The following CAPN11 variants were observed in gnomAD, a reference collection of about 807,000 sequenced individuals.
CAPN11 encodes calpain-11.
Under a neutral mutation model 105.3 loss-of-function variants are expected in CAPN11, and 108 were observed. That is an observed-to-expected ratio of 1.03 (90% confidence interval 0.88 to 1.20). The LOEUF (loss-of-function observed/expected upper bound fraction) is 1.20, where lower values mean the gene tolerates loss of function less well. CAPN11 is among the 50% of genes most tolerant of loss of function. CAPN11 has a pLI of 0.00. For synonymous variants in CAPN11, 329 were observed against 344.5 expected (o/e 0.96, Z 0.50); for missense variants, 883 against 924.8 (o/e 0.95, Z 0.59).
At chr6:44,174,704 C>T (rs917660598) in intron 7 of CAPN11, among the ~76,000 whole-genome samples, 1 of 149,976 alleles carries the variant, frequency 6.7e-6, no homozygotes. Context: ...ACTGCAACAT[C>T]CACCTCCTGG....
chr6:44,168,577 T>C (rs895021349), intron 2 of CAPN11, among the ~76,000 whole-genome samples: 2 of 151,202 alleles, frequency 1.3e-5, no homozygotes, highest in African/African-American at 4.9e-5. Context: ...CAATATGGGG[T>C]TCTTTGTGAC....
intron 7 of CAPN11, among the ~76,000 whole-genome samples, chr6:44,175,664 C>A (rs1009076331): frequency 3.9e-5 from 6 of 152,006 alleles, no homozygotes; most frequent in African/African-American, 1.5e-4. Flanking sequence ...GTAATCCCAG[C>A]TACTTGGGAG....
At chr6:44,179,780 G>A (rs1269161736) in intron 13 of CAPN11, 150 bp downstream of exon 13, 31 of 957,628 alleles carry the variant, frequency 3.2e-5, no homozygotes, top group East Asian at 1.4e-4. Flanking sequence ...GGTAGGGGTC[G>A]GGAAAGGAAG....
chr6:44,158,895 T>C (rs1768177889), intron 1 of CAPN11, 31 bp downstream of exon 1: 7 of 1,545,822 alleles, frequency 4.5e-6, no homozygotes, highest in Non-Finnish European at 6.1e-6. Context: ...GCCCCACTCC[T>C]GTACCTCCTG....
rs899749107 is a variant in CAPN11 at position 44,179,522 on chromosome 6, A to G, written c.1417-97A>G. Reference sequence around the variant, plus strand: ...TTAATACCCCTCCAACAACACACACACACAGACACACACTATACACATCCC... The same window carrying G: ...TTAATACCCCTCCAACAACACACACGCACAGACACACACTATACACATCCC... On this transcript the variant is annotated intron_variant, in intron 12 of 22. Coordinates refer to ENST00000398776, the MANE Select transcript of CAPN11 (RefSeq NM_007058.4). The G allele has an allele frequency of 5.5e-5, 61 of 1,100,330 alleles. No individual in the cohort carries two copies. The African/African-American group carries it at 7.2e-4, about 13-fold the overall frequency. The allele number at this position is 1,100,330 out of a possible 1,614,324, so 68.2% of individuals were successfully genotyped here. A position where few individuals can be genotyped will look rare whatever the true frequency, so the allele number is the denominator to read the frequency against.
At chr6:44,166,991 T>C (rs1204305525) in intron 2 of CAPN11, among the ~76,000 whole-genome samples, 162 bp downstream of exon 2, 1 of 151,996 alleles carries the variant, frequency 6.6e-6, no homozygotes, top group African/African-American at 2.4e-5. Context: ...ATGTTGGCAG[T>C]TTGCAGTCCC....
chr6:44,162,551 C>G (rs766748487), intron 1 of CAPN11, among the ~76,000 whole-genome samples: 1 of 152,108 alleles, frequency 6.6e-6, no homozygotes, highest in African/African-American at 2.4e-5. Flanking sequence ...TCTGGCTCTA[C>G]CCACCCTCTT....
intron 6 of CAPN11, 53 bp from the exon 7 acceptor site, chr6:44,173,165 C>G: frequency 6.2e-7 from 1 of 1,605,892 alleles, no homozygotes; most frequent in Admixed American, 1.7e-5. Context: ...GGACATCCCT[C>G]CCTCCCCTCA....
At chr6:44,164,064 C>T (rs1032915691) in intron 1 of CAPN11, among the ~76,000 whole-genome samples, 41 of 152,100 alleles carry the variant, frequency 2.7e-4, no homozygotes, top group African/African-American at 7.2e-4. Context: ...TTGCTGGTCT[C>T]GTGAGGCTGA....
chr6:44,169,873 G>A (rs768066960), intron 3 of CAPN11, 33 bp from the exon 4 acceptor site: 4 of 1,530,874 alleles, frequency 2.6e-6, no homozygotes, highest in Admixed American at 3.5e-5. Context: ...GGGGTGTCCT[G>A]GGCCCCCTGA....
At chr6:44,182,370 G>A (rs1416281067) in intron 19 of CAPN11, among the ~76,000 whole-genome samples, 1 of 151,738 alleles carries the variant, frequency 6.6e-6, no homozygotes, top group Admixed American at 6.6e-5. Context: ...TTGGAGTGTG[G>A]CATATTACCC....
chr6:44,159,754 C>T (rs2128285910), intron 1 of CAPN11, among the ~76,000 whole-genome samples: 1 of 151,808 alleles, frequency 6.6e-6, no homozygotes, highest in African/African-American at 2.4e-5. Context: ...AGTTCCCTGA[C>T]ACAACATCTT....
At chr6:44,166,943 A>AGGGGG in intron 2 of CAPN11, 114 bp downstream of exon 2, 1 of 251,972 alleles carries the variant, frequency 4.0e-6, no homozygotes, top group Admixed American at 5.0e-5. Flanking sequence ...TTGTGTGGGG[A>AGGGGG]GGGCGGCGGG....
chr6:44,172,923 GTGTT>G lies in CAPN11; in HGVS notation c.529-14_529-11del, dbSNP rs1014312106. 1.2e-6 allele frequency: 2 copies of G among 1,612,224 alleles called. No homozygotes were observed. Among genetic ancestry groups the G allele is most frequent in the African/African-American group, 1.3e-5 (1 of 75,046 alleles). On this transcript the variant is annotated splice_polypyrimidine_tract_variant and intron_variant, in intron 5 of 22. Transcript: ENST00000398776. ...GATAGGGTTCCCACGCAAGGGGTGT[GTGTT>G]TGCTACCCACAGATTTGGCAGTTTG...
At chr6:44,173,992 G>A (rs1460697112) in intron 7 of CAPN11, among the ~76,000 whole-genome samples, 4 of 152,142 alleles carry the variant, frequency 2.6e-5, no homozygotes, top group Non-Finnish European at 4.4e-5. Flanking sequence ...TCTCCAGATA[G>A]TAGTCACATT....
At chr6:44,180,689 A>C in intron 16 of CAPN11, 27 bp downstream of exon 16, 1 of 1,613,610 alleles carries the variant, frequency 6.2e-7, no homozygotes, top group Non-Finnish European at 8.5e-7. Context: ...CGGAGGGCTG[A>C]CAGGAGGGGG....
In CAPN11 at chr6:44,176,976, A is replaced by G; in HGVS notation, c.1215A>G (p.Ala405=). 6.2e-7 allele frequency: 1 copy of G among 1,613,322 alleles called. No individual in the cohort carries two copies. The highest frequency in any genetic ancestry group is 8.5e-7 in the Non-Finnish European group (1 of 1,179,776). ...GCAGCTGGCGCAGAGGCAGCTCCGC[A>G]GGGGGCTGCAGGAACCACCCTGGTG... is the stretch of plus-strand genomic sequence containing the variant. ...YEGSWRRGSS[A]GGCRNHPGTF... The change falls in exon 11 of 23, where the codon GCA becomes GCG. Residue 405 remains alanine (A), a synonymous_variant. Transcript: ENST00000398776.
rs1480136384 is a variant in CAPN11 at position 44,172,375 on chromosome 6, A to G, written c.483A>G (p.Arg161=). ...CPKLLYRVVP[R]GQSFKKNYAG... The stretch of plus-strand genomic sequence containing the variant: ...AACTGCTATACCGCGTGGTGCCCAG[A>G]GGACAGAGCTTCAAGAAAAACTATG... The change falls in exon 5 of 23, where the codon AGA becomes AGG. Residue 161 remains arginine, a synonymous_variant. Transcript: ENST00000398776. The G allele has an allele frequency of 1.3e-6, 2 of 1,561,466 alleles. No homozygotes were observed. The highest frequency in any genetic ancestry group is 1.9e-5 in the Admixed American group (1 of 52,284).
intron 1 of CAPN11, among the ~76,000 whole-genome samples, chr6:44,160,599 A>C (rs2128287296): frequency 6.6e-6 from 1 of 152,316 alleles, no homozygotes; most frequent in East Asian, 1.9e-4. Flanking sequence ...CCTGGGCGAC[A>C]GAGTGAGACT....
Sources: allele counts gnomAD v4.1 joint callset (sites outside exome capture counted in the v4.1 genomes callset), GRCh38; gene constraint gnomAD v4.1.1; transcripts MANE v1.5; gene names NCBI Gene and HGNC (gene_info 2026-07-23, HGNC 2026-07-21).